Variants in DOK7 observed in about 807,000 individuals in gnomAD.
DOK7 encodes protein Dok-7.
In DOK7, 32 loss-of-function variants were observed where a neutral mutation model predicts 30.7. The observed-to-expected ratio is 1.04, with a 90% CI of 0.79 to 1.40. The LOEUF (loss-of-function observed/expected upper bound fraction) is 1.40. DOK7 is among the 40% of genes most tolerant of loss of function. The pLI is 0.00. For synonymous variants in DOK7, 447 were observed against 324.1 expected, an observed-to-expected ratio of 1.38 and a Z score of -4.07; for missense variants, 1,007 against 699.2, an observed-to-expected ratio of 1.44 and a Z score of -4.97.
At chr4:3,482,726 C>A (rs748114692) in intron 4 of DOK7, among the ~76,000 whole-genome samples, 2 of 152,260 alleles carry the variant, frequency 1.3e-5, no homozygotes, top group African/African-American at 2.4e-5. Flanking sequence ...AGGAAACATG[C>A]GCACCCTGTC....
rs370277354 is a variant in DOK7 at position 3,479,393 on chromosome 4, G to A, written c.532+2851G>A. ...ACATTTTGTGGGCCACCATTTGGCC[G>A]ACAACTGGGGCCACTGGGACGGAGA... On this transcript the variant is annotated intron_variant, in intron 4 of 6. Coordinates refer to ENST00000340083, the MANE Select transcript of DOK7 (RefSeq NM_173660.5). Among the ~76,000 whole-genome samples, 6 of 152,224 alleles carry A rather than the reference G, an allele frequency of 3.9e-5. No individual in the cohort carries two copies. The East Asian group carries it at 9.6e-4, about 24-fold the overall frequency.
chr4:3,500,258 A>T, exon 7 of DOK7: 1 of 1,535,602 alleles, frequency 6.5e-7, no homozygotes, highest in Admixed American at 2.0e-5. Context: ...CAGGATCCCC[A>T]GGACCCGTGG....
chr4:3,490,343 C>A (rs1315186675), intron 6 of DOK7, among the ~76,000 whole-genome samples: 1 of 120,784 alleles, frequency 8.3e-6, no homozygotes, highest in African/African-American at 3.2e-5. Context: ...TTCATTCCTT[C>A]CTTTTCCCCA....
chr4:3,470,225 G>A (rs185694764), intron 2 of DOK7, among the ~76,000 whole-genome samples: 17 of 152,300 alleles, frequency 1.1e-4, no homozygotes, highest in Admixed American at 3.3e-4. Context: ...CTGTGTCTGC[G>A]CCTCCTGTTC....
intron 4 of DOK7, among the ~76,000 whole-genome samples, chr4:3,484,093 G>A (rs1382819099): frequency 6.6e-6 from 1 of 152,236 alleles, no homozygotes; most frequent in Non-Finnish European, 1.5e-5. Context: ...TTGGACTTGA[G>A]TCCACCTCGT....
At position 3,463,342 on chromosome 4, in the gene DOK7, G is replaced by T. The variant is rs752403967; in HGVS notation, c.-34G>T. ...AAAGTGACCCTGGGCTGGGGCGCCGGGGCGAGCGCGGCGGCGCGGAACCAT... is the reference window on the plus strand; with the variant it reads ...AAAGTGACCCTGGGCTGGGGCGCCGTGGCGAGCGCGGCGGCGCGGAACCAT... On this transcript the variant is annotated 5_prime_UTR_variant, in exon 1 of 7. Coordinates refer to ENST00000340083, the MANE Select transcript of DOK7 (RefSeq NM_173660.5). The T allele has an allele frequency of 2.2e-5, 32 of 1,445,538 alleles. No homozygotes were observed. Among genetic ancestry groups the T allele is most frequent in the Non-Finnish European group, 2.9e-5 (32 of 1,111,526 alleles). The allele number at this position is 1,445,538 out of a possible 1,614,324, so 89.5% of individuals were successfully genotyped here. A position where few individuals can be genotyped will look rare whatever the true frequency, so the allele number is the denominator to read the frequency against.
At chr4:3,489,620 C>CG in intron 5 of DOK7, 57 bp from the exon 6 acceptor site, 1 of 1,553,226 alleles carries the variant, frequency 6.4e-7, no homozygotes, top group South Asian at 1.2e-5. Flanking sequence ...CTGGTGCCTG[C>CG]GGGCGAGGGT....
intron 4 of DOK7, 44 bp from the exon 5 acceptor site, chr4:3,485,495 C>G (rs1727712601): frequency 1.3e-6 from 2 of 1,491,506 alleles, no homozygotes; most frequent in Admixed American, 2.1e-5. Flanking sequence ...GGTCCCCAGC[C>G]CGCCCTCGGG....
intron 4 of DOK7, among the ~76,000 whole-genome samples, chr4:3,480,827 C>A (rs2699433): frequency 6.6e-6 from 1 of 151,964 alleles, no homozygotes; most frequent in Non-Finnish European, 1.5e-5. Flanking sequence ...AGGGATCAGA[C>A]GGTCCGGCCT....
Position 3,492,835 on chromosome 4 carries a change from A to C in DOK7, c.849A>C (p.Ala283=). The C allele has an allele frequency of 5.0e-6, 8 of 1,612,450 alleles. No individual in the cohort carries two copies. Among genetic ancestry groups the C allele is most frequent in the African/African-American group, 1.3e-5 (1 of 75,032 alleles). The stretch of plus-strand genomic sequence containing the variant: ...TCAGCGCCAGCAGCCGGCTCACCGC[A>C]TGGCCAGAGCAATCCTCGTCGTCAG... The part of the protein sequence containing the change: ...LDVSASSRLT[A]WPEQSSSSAS... Residue 283 remains alanine (A), a synonymous_variant, in exon 7 of 7, where the codon GCA becomes GCC. Transcript: ENST00000340083.
chr4:3,492,661 C>G (rs912693449), intron 6 of DOK7, 98 bp from the exon 7 acceptor site: 12 of 1,543,408 alleles, frequency 7.8e-6, no homozygotes. Flanking sequence ...GGGGCGAGAC[C>G]AGAGAGTGCT....
intron 2 of DOK7, among the ~76,000 whole-genome samples, chr4:3,468,601 GGT>G (rs1726493294): frequency 7.1e-6 from 1 of 141,326 alleles, no homozygotes; most frequent in African/African-American, 2.7e-5. Context: ...TGCGTGTATT[GGT>G]GTGTGCGTGC....
At position 3,493,242 on chromosome 4, in the gene DOK7, G is replaced by GC. The variant is rs606231129; in HGVS notation, c.1263dup (p.Ser422LeufsTer97). The GC allele has an allele frequency of 1.2e-4, 198 of 1,611,824 alleles. No homozygotes were observed. Among genetic ancestry groups the GC allele is most frequent in the African/African-American group, 2.8e-4 (21 of 74,918 alleles). ...CTTTGCCTGGCTCCTAGAGACCACA[G>GC]CCCCCCCTCACAGGGCAGCCCCGGC... is the stretch of plus-strand genomic sequence containing the variant. On this transcript the variant is annotated frameshift_variant, in exon 7 of 7. Coordinates refer to ENST00000340083, the MANE Select transcript of DOK7 (RefSeq NM_173660.5). LOFTEE classifies it low-confidence loss of function (END_TRUNC).
chr4:3,467,080 G>A (rs1195151269), intron 2 of DOK7, among the ~76,000 whole-genome samples: 6 of 152,246 alleles, frequency 3.9e-5, no homozygotes, highest in African/African-American at 1.4e-4. Context: ...CCCCTCAGGC[G>A]GCTACCACCT....
chr4:3,476,690 G>T lies in DOK7; in HGVS notation c.532+148G>T. ...CGGCAGGTGGACGGAGTCTCCCCAC[G>T]CTCGATGTCCAAGGTCCTCTGCCCG... On this transcript the variant is annotated intron_variant, in intron 4 of 6. Coordinates refer to ENST00000340083, the MANE Select transcript of DOK7 (RefSeq NM_173660.5). 3.8e-6 allele frequency: 4 copies of T among 1,049,260 alleles called. No individual in the cohort carries two copies. In the South Asian group the frequency reaches 5.4e-5, roughly 14 times the overall value. 65.0% of individuals were successfully genotyped at this position (1,049,260 alleles called of 1,614,324 possible). A position where few individuals can be genotyped will look rare whatever the true frequency, so the allele number is the denominator to read the frequency against.
downstream of DOK7, among the ~76,000 whole-genome samples, chr4:3,494,952 G>A (rs995505524): frequency 2.6e-5 from 4 of 152,094 alleles, no homozygotes; most frequent in East Asian, 1.9e-4. Context: ...GTGGGTGCCT[G>A]CCTGTCCCTT....
intron 6 of DOK7, among the ~76,000 whole-genome samples, chr4:3,499,692 C>A (rs967877536): frequency 6.6e-6 from 1 of 151,788 alleles, no homozygotes; most frequent in South Asian, 2.1e-4. Flanking sequence ...GGGTGTGGGG[C>A]ACCTGGGTGT....
At position 3,476,394 on chromosome 4, in the gene DOK7, G is replaced by A. The variant is rs539942267; in HGVS notation, c.384G>A (p.Pro128=). 8.1e-6 allele frequency: 13 copies of A among 1,612,818 alleles called. No homozygotes were observed. The highest frequency in any genetic ancestry group is 5.5e-5 in the South Asian group (5 of 91,046). ...CAGGCACCAAGTTGGAGAGCGGCCC[G>A]GCTACCCTGCACCTCTGCAATGATG... ...VAPGTKLESG[P]ATLHLCNDVL... Residue 128 remains proline, a synonymous_variant, in exon 4 of 7, where the codon CCG becomes CCA. Coordinates refer to ENST00000340083, the MANE Select transcript of DOK7 (RefSeq NM_173660.5).
At chr4:3,476,229 T>TCGAGGCCCTCTCGCCCCACCC in intron 3 of DOK7, 113 bp from the exon 4 acceptor site, 1 of 255,902 alleles carries the variant, frequency 3.9e-6, no homozygotes, top group South Asian at 6.8e-5. Context: ...TCGCCCCGCC[T>TCGAGGCCCTCTCGCCCCACCC]GCCCGTGATG....
Sources: gnomAD v4.1 joint callset for allele counts (sites outside exome capture counted in the v4.1 genomes callset) on GRCh38, gnomAD v4.1.1 for gene constraint, MANE v1.5 for transcripts, NCBI Gene and HGNC (gene_info 2026-07-23, HGNC 2026-07-21) for gene names.